RRM1: variants seen among roughly 807,000 people sequenced by gnomAD.
The protein encoded by RRM1 is ribonucleotide reductase catalytic subunit M1.
Under a neutral mutation model 101.5 loss-of-function variants are expected in RRM1, and 19 were observed. That is an observed-to-expected ratio of 0.19 (90% confidence interval 0.13 to 0.27). The LOEUF is 0.27. Ranked by LOEUF, RRM1 falls within the 10% of genes least tolerant of loss-of-function variation. The pLI, the probability that RRM1 is intolerant of heterozygous loss-of-function variation, is 1.00. For missense variants in RRM1, 500 were observed against 962.9 expected, an observed-to-expected ratio of 0.52 and a Z score of 6.36; for synonymous variants, 298 against 323.4, an observed-to-expected ratio of 0.92 and a Z score of 0.84.
chr11:4,127,689 A>G (rs1590729989), intron 14 of RRM1, among the ~76,000 whole-genome samples: 1 of 152,222 alleles, frequency 6.6e-6, no homozygotes, highest in Non-Finnish European at 1.5e-5. Context: ...TTGTTAAGTT[A>G]CCAAGTTTTT....
chr11:4,120,901 T>G (rs1009084516), intron 9 of RRM1, among the ~76,000 whole-genome samples: 4 of 152,110 alleles, frequency 2.6e-5, no homozygotes, highest in Non-Finnish European at 5.9e-5. Flanking sequence ...CGCCTGTAGT[T>G]TCAGCTTCTC....
chr11:4,101,805 A>G (rs1209643629), intron 1 of RRM1, 188 bp from the exon 2 acceptor site: 1 of 567,586 alleles, frequency 1.8e-6, no homozygotes, highest in Non-Finnish European at 3.1e-6. Flanking sequence ...TAGAATTCAT[A>G]CTCTTTGAAG....
At position 4,107,533 on chromosome 11, in the gene RRM1, G is replaced by C; in HGVS notation, c.385G>C (p.Asp129His). ...ATTGGATATTGTTCTGGCCAATAAA[G>C]ATGTATGTATAACACTTATCTGGTG... is the stretch of plus-strand genomic sequence containing the variant. ...STLDIVLANK[D>H]RLNSAIIYDR... The change falls in exon 4 of 19, where the codon GAT (aspartate) becomes CAT (histidine). Residue 129 changes from aspartate to histidine, a missense_variant and splice_region_variant. Asp to His is a moderately conservative substitution (Grantham distance 81, BLOSUM62 -1). Coordinates refer to ENST00000300738, the MANE Select transcript of RRM1 (RefSeq NM_001033.5). 6.2e-7 allele frequency: 1 copy of C among 1,604,110 alleles called. No individual in the cohort carries two copies. The highest frequency in any genetic ancestry group is 8.5e-7 in the Non-Finnish European group (1 of 1,171,186).
intron 7 of RRM1, among the ~76,000 whole-genome samples, chr11:4,115,008 C>T (rs750500465): frequency 7.9e-5 from 12 of 151,978 alleles, no homozygotes; most frequent in Non-Finnish European, 1.2e-4. Context: ...CTACCATGCC[C>T]GGTTTTTTAA....
At chr11:4,105,466 A>T in intron 2 of RRM1, 1 of 344,622 alleles carries the variant, frequency 2.9e-6, no homozygotes, top group Non-Finnish European at 5.5e-6. Flanking sequence ...CCTGGGCTCA[A>T]GCGAGCCTCC....
intron 1 of RRM1, among the ~76,000 whole-genome samples, chr11:4,097,233 C>T (rs188281837): frequency 5.3e-4 from 72 of 136,550 alleles, no homozygotes; most frequent in African/African-American, 5.1e-4. Flanking sequence ...TTGCTGAAAT[C>T]GTGCCATTGC....
chr11:4,114,719 T>A (rs1423135246), intron 7 of RRM1, among the ~76,000 whole-genome samples: 3 of 152,174 alleles, frequency 2.0e-5, no homozygotes, highest in African/African-American at 7.2e-5. Context: ...TTGACTTTTT[T>A]TGTTTGTTTT....
intron 7 of RRM1, among the ~76,000 whole-genome samples, chr11:4,114,611 A>G (rs1017393520): frequency 2.0e-5 from 3 of 152,194 alleles, no homozygotes; most frequent in African/African-American, 7.2e-5. Context: ...TAGACTGTAC[A>G]AACATTGTGC....
chr11:4,130,738 T>C (rs2094598686), intron 15 of RRM1, among the ~76,000 whole-genome samples: 1 of 152,194 alleles, frequency 6.6e-6, no homozygotes, highest in Non-Finnish European at 1.5e-5. Context: ...TAGTGATTTA[T>C]TTTGGAGCTC....
chr11:4,095,140 C>T lies in RRM1; in HGVS notation c.19+109C>T, dbSNP rs563755764. On this transcript the variant is annotated intron_variant, in intron 1 of 18. Transcript: ENST00000300738. ...CGCCTTCGCTGCTTCCCGCCTTTCCCGCATTTCCCGCCGCGGCCTTCCGCC... is the reference window on the plus strand; with the variant it reads ...CGCCTTCGCTGCTTCCCGCCTTTCCTGCATTTCCCGCCGCGGCCTTCCGCC... The T allele has an allele frequency of 7.5e-5, 100 of 1,329,768 alleles. 3 individuals are homozygous for T. In the African/African-American group the frequency reaches 1.2e-3, roughly 16 times the overall value. 82.4% of individuals were successfully genotyped at this position (1,329,768 alleles called of 1,614,324 possible).
At chr11:4,102,783 T>C (rs2094553364) in intron 2 of RRM1, among the ~76,000 whole-genome samples, 1 of 152,244 alleles carries the variant, frequency 6.6e-6, no homozygotes, top group Non-Finnish European at 1.5e-5. Context: ...GTAGATTTCA[T>C]GGACAATATT....
At position 4,121,720 on chromosome 11, in the gene RRM1, T is replaced by C. The variant is rs750572935; in HGVS notation, c.993T>C (p.Ala331=). Residue 331 remains alanine (A), a synonymous_variant, in exon 10 of 19, where the codon GCT becomes GCC. Coordinates refer to ENST00000300738, the MANE Select transcript of RRM1 (RefSeq NM_001033.5). ...EEQRARDLFF[A]LWIPDLFMKR... ...AGCGTGCCAGAGATCTTTTCTTTGC[T>C]CTTTGGATTCCGGATCTCTTCATGA... is the stretch of plus-strand genomic sequence containing the variant. 6.2e-7 allele frequency: 1 copy of C among 1,613,436 alleles called. No individual in the cohort carries two copies. Among genetic ancestry groups the C allele is most frequent in the South Asian group, 1.1e-5 (1 of 90,916 alleles).
At chr11:4,099,865 C>CTT (rs59536861) in intron 1 of RRM1, among the ~76,000 whole-genome samples, 109 of 146,652 alleles carry the variant, frequency 7.4e-4, no homozygotes, top group African/African-American at 2.6e-3. Flanking sequence ...TACCAATGCA[C>CTT]TTTTTTTTTT....
chr11:4,099,661 G>A (rs1344776860), intron 1 of RRM1, among the ~76,000 whole-genome samples: 1 of 152,030 alleles, frequency 6.6e-6, no homozygotes, highest in African/African-American at 2.4e-5. Flanking sequence ...AAGAGATCTG[G>A]GGCCAAACTA....
chr11:4,100,038 G>A (rs970471462), intron 1 of RRM1, among the ~76,000 whole-genome samples: 5 of 152,190 alleles, frequency 3.3e-5, no homozygotes, highest in African/African-American at 1.2e-4. Flanking sequence ...TGAGGTTTCA[G>A]TCCCAGTGCC....
Position 4,132,807 on chromosome 11 carries a change from T to C in RRM1, c.1905+386T>C, listed in dbSNP as rs1028043901. Among the ~76,000 whole-genome samples the C allele has an allele frequency of 2.6e-5, 4 of 152,228 alleles. No individual in the cohort carries two copies. Among genetic ancestry groups the C allele is most frequent in the African/African-American group, 9.6e-5 (4 of 41,454 alleles). The stretch of plus-strand genomic sequence containing the variant: ...AGACTTGGTTACCAATTAGAATTTA[T>C]GGTGGGTGAGACCAGTGGTTTTTTC... On this transcript the variant is annotated intron_variant, in intron 16 of 18. Coordinates refer to ENST00000300738, the MANE Select transcript of RRM1 (RefSeq NM_001033.5). The surrounding 1 kb of genome is among the most constrained non-coding windows in gnomAD (Gnocchi z 4.1).
At chr11:4,110,607 A>T (rs1392960679) in intron 5 of RRM1, among the ~76,000 whole-genome samples, 1 of 151,764 alleles carries the variant, frequency 6.6e-6, no homozygotes, top group Non-Finnish European at 1.5e-5. Flanking sequence ...TTCTCTACTA[A>T]AAAATACAAA....
chr11:4,132,487 C>G lies in RRM1; in HGVS notation c.1905+66C>G. 1 of 1,560,880 alleles carries G rather than the reference C, an allele frequency of 6.4e-7. No homozygotes were observed. The highest frequency in any genetic ancestry group is 8.8e-7 in the Non-Finnish European group (1 of 1,140,192). ...AAGCCTGATGTTGGGAGTAAATGCTCACTCATGTTTAATTTGCCCATTTTC... is the reference window on the plus strand; with the variant it reads ...AAGCCTGATGTTGGGAGTAAATGCTGACTCATGTTTAATTTGCCCATTTTC... On this transcript the variant is annotated intron_variant, in intron 16 of 18. Coordinates refer to ENST00000300738, the MANE Select transcript of RRM1 (RefSeq NM_001033.5). The surrounding 1 kb of genome is among the most constrained non-coding windows in gnomAD (Gnocchi z 4.1).
At position 4,138,292 on chromosome 11, in the gene RRM1, T is replaced by C; in HGVS notation, c.2288T>C (p.Val763Ala). 3 of 1,611,010 alleles carry C rather than the reference T, an allele frequency of 1.9e-6. No individual in the cohort carries two copies. The highest frequency in any genetic ancestry group is 2.5e-6 in the Non-Finnish European group (3 of 1,177,762). Reference sequence around the variant, plus strand: ...GAGAAGCTAAAAGATAAAGAAAAGGTATCAAAAGAGGAAGAAGAGAAGGAG... The same window carrying C: ...GAGAAGCTAAAAGATAAAGAAAAGGCATCAAAAGAGGAAGAAGAGAAGGAG... ...NKEKLKDKEK[V>A]SKEEEEKERN... The change falls in exon 19 of 19, where the codon GTA becomes GCA. Residue 763 changes from valine to alanine, a missense_variant. Coordinates refer to ENST00000300738, the MANE Select transcript of RRM1 (RefSeq NM_001033.5).
Sources: gnomAD v4.1 joint callset for allele counts (sites outside exome capture counted in the v4.1 genomes callset) on GRCh38, gnomAD v4.1.1 for gene constraint, Gnocchi (gnomAD v3.1) non-coding constraint, MANE v1.5 for transcripts, NCBI Gene and HGNC (gene_info 2026-07-23, HGNC 2026-07-21) for gene names.